Variants in BIRC6 observed in about 807,000 individuals in gnomAD.
BIRC6 encodes the protein dual E2 ubiquitin-conjugating enzyme/E3 ubiquitin-protein ligase BIRC6.
A neutral mutation model predicts 503.3 loss-of-function variants in BIRC6; 98 were observed. The observed-to-expected ratio is 0.19, with a 90% CI of 0.17 to 0.23. The LOEUF (loss-of-function observed/expected upper bound fraction) is 0.23, where lower values mean the gene tolerates loss of function less well. Ranked by LOEUF, BIRC6 falls within the 10% of genes least tolerant of loss-of-function variation. The pLI is 1.00. For synonymous variants in BIRC6, 2,240 were observed against 2,078.7 expected (o/e 1.08, Z -2.11); for missense variants, 5,360 against 5,806.0 (o/e 0.92, Z 2.50).
At chr2:32,435,662 T>C in intron 14 of BIRC6, 77 bp downstream of exon 14, 6 of 1,410,080 alleles carry the variant, frequency 4.3e-6, no homozygotes, top group Non-Finnish European at 5.6e-6. Flanking sequence ...GGGCAAGATT[T>C]CCTTATGGCT....
At chr2:32,370,851 A>T (rs1250525144) in intron 1 of BIRC6, among the ~76,000 whole-genome samples, 1 of 152,160 alleles carries the variant, frequency 6.6e-6, no homozygotes, top group Non-Finnish European at 1.5e-5. Flanking sequence ...TTGAAGTCTG[A>T]TGAGATGTCA....
intron 8 of BIRC6, among the ~76,000 whole-genome samples, chr2:32,406,079 G>A (rs941304025): frequency 3.5e-4 from 53 of 152,088 alleles, no homozygotes; most frequent in African/African-American, 1.2e-3. Flanking sequence ...TGGTTGAGAT[G>A]TGTAGTAGTG....
At chr2:32,390,391 C>G (rs1330755246) in intron 4 of BIRC6, among the ~76,000 whole-genome samples, 3 of 151,252 alleles carry the variant, frequency 2.0e-5, no homozygotes, top group Non-Finnish European at 4.4e-5. Context: ...AGGATGGTCT[C>G]GAGCTCCTGA....
intron 23 of BIRC6, among the ~76,000 whole-genome samples, chr2:32,460,838 A>G (rs1198387164): frequency 6.6e-6 from 1 of 151,762 alleles, no homozygotes; most frequent in Non-Finnish European, 1.5e-5. Flanking sequence ...TATTACCCCA[A>G]AATACAAGCA....
intron 66 of BIRC6, 86 bp from the exon 67 acceptor site, chr2:32,593,829 A>C (rs1181339256): frequency 1.7e-6 from 2 of 1,158,358 alleles, no homozygotes; most frequent in Non-Finnish European, 2.5e-6. Flanking sequence ...AAATGCACAC[A>C]CTCATTTGTA....
intron 16 of BIRC6, 74 bp from the exon 17 acceptor site, chr2:32,441,255 T>G: frequency 1.8e-6 from 2 of 1,128,232 alleles, no homozygotes; most frequent in Non-Finnish European, 2.5e-6. Context: ...TTTTCCTTTA[T>G]TTTATAACTT....
intron 8 of BIRC6, among the ~76,000 whole-genome samples, chr2:32,405,535 G>A (rs565865780): frequency 2.0e-5 from 3 of 152,204 alleles, no homozygotes; most frequent in Admixed American, 6.5e-5. Context: ...GGCCAGGTGC[G>A]GTGGCTTATG....
intron 26 of BIRC6, 31 bp from the exon 27 acceptor site, chr2:32,467,494 T>C (rs1407182487): frequency 3.2e-6 from 5 of 1,559,188 alleles, no homozygotes. Context: ...TTGATATATT[T>C]TTGGTCAACT....
At chr2:32,456,285 G>T (rs567685294) in intron 23 of BIRC6, among the ~76,000 whole-genome samples, 17 of 152,208 alleles carry the variant, frequency 1.1e-4, no homozygotes, top group African/African-American at 4.1e-4. Flanking sequence ...TGTATATTTG[G>T]TTTGCCTTCT....
At chr2:32,571,634 T>A (rs1423224744) in intron 65 of BIRC6, among the ~76,000 whole-genome samples, 1 of 152,038 alleles carries the variant, frequency 6.6e-6, no homozygotes, top group Non-Finnish European at 1.5e-5. Flanking sequence ...ATTTGGATCT[T>A]CTCTCTTCTT....
In BIRC6 at chr2:32,543,998, G is replaced by A. The variant is rs538497958; in HGVS notation, c.12592+457G>A. 3.9e-5 allele frequency among the ~76,000 whole-genome samples: 6 copies of A among 152,288 alleles called. No individual in the cohort carries two copies. In the South Asian group the frequency reaches 1.2e-3, roughly 32 times the overall value. ...AAGTGGCATGGTAGTTTTTAGTGGG[G>A]CCTTGAAGGACAGATTAGATTTAGG... On this transcript the variant is annotated intron_variant, in intron 62 of 73. Transcript: ENST00000421745.
intron 1 of BIRC6, among the ~76,000 whole-genome samples, chr2:32,363,614 C>CT (rs1208335947): frequency 6.6e-6 from 1 of 152,036 alleles, no homozygotes; most frequent in Non-Finnish European, 1.5e-5. Flanking sequence ...TTTTTATAAG[C>CT]TTTTTTGAGA....
chr2:32,581,747 G>T (rs186655214), intron 66 of BIRC6, among the ~76,000 whole-genome samples: 96 of 152,262 alleles, frequency 6.3e-4, no homozygotes, highest in Middle Eastern at 3.4e-3. Flanking sequence ...TTTGTTAAAT[G>T]AAACACTGGA....
chr2:32,539,557 G>A (rs1003273322), intron 61 of BIRC6, among the ~76,000 whole-genome samples: 6 of 152,092 alleles, frequency 3.9e-5, no homozygotes, highest in Admixed American at 2.0e-4. Flanking sequence ...TGTAACCTAA[G>A]CAGTATAGTT....
chr2:32,435,657 A>G lies in BIRC6; in HGVS notation c.3499+72A>G, dbSNP rs891940311. On this transcript the variant is annotated intron_variant, in intron 14 of 73. Coordinates refer to ENST00000421745, the MANE Select transcript of BIRC6 (RefSeq NM_016252.4). ...TGATCTGAATGCAACATGTCGGGCA[A>G]GATTTCCTTATGGCTTGCAAAAACT... 36 of 1,433,604 alleles carry G rather than the reference A, an allele frequency of 2.5e-5. No homozygotes were observed. The East Asian group carries it at 2.9e-4, about 12-fold the overall frequency. 88.8% of individuals were successfully genotyped at this position (1,433,604 alleles called of 1,614,324 possible). A position where few individuals can be genotyped will look rare whatever the true frequency, so the allele number is the denominator to read the frequency against.
At chr2:32,613,842 T>A (rs2063055864) in intron 73 of BIRC6, among the ~76,000 whole-genome samples, 2 of 152,226 alleles carry the variant, frequency 1.3e-5, no homozygotes, top group Admixed American at 1.3e-4. Flanking sequence ...TCTTTTTTCC[T>A]GAGCAATTGT....
intron 65 of BIRC6, among the ~76,000 whole-genome samples, chr2:32,571,056 C>G (rs1405542737): frequency 2.0e-5 from 3 of 152,076 alleles, no homozygotes; most frequent in Admixed American, 2.0e-4. Flanking sequence ...AGTGATCCTC[C>G]TGCCTCAGCC....
intron 44 of BIRC6, among the ~76,000 whole-genome samples, chr2:32,492,877 A>G (rs1021516044): frequency 6.6e-6 from 1 of 151,990 alleles, no homozygotes; most frequent in African/African-American, 2.4e-5. Context: ...AACTACTCCA[A>G]GGTTTTATGA....
intron 10 of BIRC6, among the ~76,000 whole-genome samples, chr2:32,417,289 C>T (rs558207627): frequency 2.0e-5 from 3 of 152,234 alleles, no homozygotes; most frequent in East Asian, 1.9e-4. Context: ...GCTGGGACTA[C>T]GCACTACCAT....
Sources: allele counts gnomAD v4.1 joint callset (sites outside exome capture counted in the v4.1 genomes callset), GRCh38; gene constraint gnomAD v4.1.1; transcripts MANE v1.5; gene names NCBI Gene and HGNC (gene_info 2026-07-23, HGNC 2026-07-21).